BACH2: variants seen among roughly 807,000 people sequenced by gnomAD.
BACH2 encodes BACH transcriptional regulator 2, also known as transcription regulator protein BACH2.
In BACH2, 5 loss-of-function variants were observed where a neutral mutation model predicts 61.8. The observed-to-expected ratio is 0.08, with a 90% CI of 0.04 to 0.17. The LOEUF (loss-of-function observed/expected upper bound fraction) is 0.17. BACH2 is among the 10% of genes least tolerant of loss of function. BACH2 has a pLI of 1.00. For missense variants in BACH2, 824 were observed against 1,091.1 expected, an observed-to-expected ratio of 0.76 and a Z score of 3.45; for synonymous variants, 446 against 440.1, an observed-to-expected ratio of 1.01 and a Z score of -0.17.
chr6:90,190,105 G>A (rs1363976632), intron 4 of BACH2, among the ~76,000 whole-genome samples: 2 of 152,112 alleles, frequency 1.3e-5, no homozygotes, highest in Admixed American at 6.5e-5. Flanking sequence ...CACCACACTC[G>A]TCTAACTTTT....
chr6:90,084,490 T>C (rs748889978), intron 5 of BACH2, among the ~76,000 whole-genome samples: 13 of 151,936 alleles, frequency 8.6e-5, no homozygotes, highest in South Asian at 4.2e-4. Flanking sequence ...TCCTCTCCCT[T>C]AGACTTGCTG....
chr6:90,075,547 T>C (rs544378629), intron 5 of BACH2, among the ~76,000 whole-genome samples: 1 of 152,248 alleles, frequency 6.6e-6, no homozygotes, highest in Non-Finnish European at 1.5e-5. Flanking sequence ...CTGTTAACTA[T>C]GGCTACAAAA....
chr6:89,999,567 T>C (rs991678035), intron 6 of BACH2, among the ~76,000 whole-genome samples: 3 of 152,182 alleles, frequency 2.0e-5, no homozygotes, highest in Non-Finnish European at 4.4e-5. Context: ...TTTAATTAAG[T>C]ACCTTGGTAA....
chr6:89,978,141 T>C (rs746521422), intron 6 of BACH2, among the ~76,000 whole-genome samples: 3 of 152,200 alleles, frequency 2.0e-5, no homozygotes, highest in Non-Finnish European at 4.4e-5. Context: ...CTTTGACATA[T>C]GAAGTGCTGC....
intron 6 of BACH2, among the ~76,000 whole-genome samples, chr6:89,978,956 G>A (rs902118608): frequency 1.1e-4 from 16 of 152,134 alleles, no homozygotes; most frequent in African/African-American, 3.6e-4. Flanking sequence ...CGAGGGGGTT[G>A]GTGGAGAAAG....
rs372689995 is a variant in BACH2 at position 90,261,108 on chromosome 6, C to T, written c.-352-8518G>A. On this transcript the variant is annotated intron_variant, in intron 2 of 8. Transcript: ENST00000257749. ...AGATCTAAGCACTTATTTTCATGGA[C>T]ACTACACCCCTCAAACTTCCAACTT... 7.9e-5 allele frequency among the ~76,000 whole-genome samples: 12 copies of T among 152,282 alleles called. No individual in the cohort carries two copies. In the East Asian group the frequency reaches 1.4e-3, roughly 17 times the overall value.
Position 90,201,087 on chromosome 6 carries a change from G to A in BACH2, c.-162+5482C>T, listed in dbSNP as rs542608166. On this transcript the variant is annotated intron_variant, in intron 4 of 8. Coordinates refer to ENST00000257749, the MANE Select transcript of BACH2 (RefSeq NM_021813.4). Reference sequence around the variant, plus strand: ...ACTCAGTATTCCTCAATCCCTCCTTGGCATTTTTATTATATGGCTGTACTA... The same window carrying A: ...ACTCAGTATTCCTCAATCCCTCCTTAGCATTTTTATTATATGGCTGTACTA... Among the ~76,000 whole-genome samples the A allele has an allele frequency of 3.3e-5, 5 of 151,942 alleles. No homozygotes were observed. The South Asian group carries it at 1.0e-3, about 32-fold the overall frequency.
chr6:90,184,972 T>C (rs1768302036), intron 4 of BACH2, among the ~76,000 whole-genome samples: 2 of 152,218 alleles, frequency 1.3e-5, no homozygotes. Context: ...GAGTGAGTTC[T>C]TTAGAGACTG....
chr6:90,212,926 C>A (rs965193992), intron 3 of BACH2, among the ~76,000 whole-genome samples: 7 of 152,174 alleles, frequency 4.6e-5, no homozygotes, highest in African/African-American at 1.7e-4. Context: ...CTAGGGGGTT[C>A]TTGCACTTGG....
intron 4 of BACH2, among the ~76,000 whole-genome samples, chr6:90,101,564 C>T (rs1582360131): frequency 6.6e-6 from 1 of 152,306 alleles, no homozygotes; most frequent in Non-Finnish European, 1.5e-5. Context: ...GTATTCAAGA[C>T]TACACTATCT....
In BACH2 at chr6:90,008,349, TG is replaced by T; in HGVS notation, c.243+252del. Reference sequence around the variant, plus strand: ...AACCACTCAAAACCTGAAGGGTAAGTGAACTAGAAACTACAAGTGACTGAGC... The same window carrying T: ...AACCACTCAAAACCTGAAGGGTAAGTAACTAGAAACTACAAGTGACTGAGC... On this transcript the variant is annotated intron_variant, in intron 6 of 8. Coordinates refer to ENST00000257749, the MANE Select transcript of BACH2 (RefSeq NM_021813.4). This position sits in a 1 kb window ranked among gnomAD's most constrained non-coding sequence, Gnocchi z 4.1. 1.8e-6 allele frequency: 1 copy of T among 544,842 alleles called. No homozygotes were observed. The highest frequency in any genetic ancestry group is 3.3e-6 in the Non-Finnish European group (1 of 304,838). The allele number at this position is 544,842 out of a possible 1,614,324, so 33.8% of individuals were successfully genotyped here.
In BACH2 at chr6:89,932,362, C is replaced by T. The variant is rs754468247; in HGVS notation, c.*46G>A. ...ACAGTGCCACAGGCTGACTGAAGAA[C>T]GCCTGGATGGGAGAGGTGTGCGGAC... On this transcript the variant is annotated 3_prime_UTR_variant, in exon 9 of 9. Coordinates refer to ENST00000257749, the MANE Select transcript of BACH2 (RefSeq NM_021813.4). The T allele has an allele frequency of 1.7e-5, 27 of 1,582,468 alleles. No homozygotes were observed. In the East Asian group the frequency reaches 2.7e-4, roughly 16 times the overall value.
intron 4 of BACH2, among the ~76,000 whole-genome samples, chr6:90,192,922 G>A (rs1357300302): frequency 1.1e-4 from 17 of 152,216 alleles, no homozygotes; most frequent in Admixed American, 1.1e-3. Flanking sequence ...TCTCTGGACA[G>A]GTGTGCTCAG....
intron 5 of BACH2, among the ~76,000 whole-genome samples, chr6:90,019,177 T>C (rs765662467): frequency 1.3e-5 from 2 of 152,216 alleles, no homozygotes; most frequent in Non-Finnish European, 2.9e-5. Flanking sequence ...CATTTAATGT[T>C]CTAGGTCACG....
intron 3 of BACH2, among the ~76,000 whole-genome samples, chr6:90,238,032 GTT>G (rs1429360163): frequency 6.6e-6 from 1 of 152,116 alleles, no homozygotes; most frequent in Admixed American, 6.5e-5. Flanking sequence ...GATTAATCTC[GTT>G]TTAGAAATTA....
intron 4 of BACH2, among the ~76,000 whole-genome samples, chr6:90,130,575 T>C (rs959381000): frequency 1.3e-5 from 2 of 152,238 alleles, no homozygotes; most frequent in Non-Finnish European, 2.9e-5. Flanking sequence ...GTTATCATGC[T>C]AACAGAATAG....
intron 2 of BACH2, among the ~76,000 whole-genome samples, chr6:90,255,652 T>C (rs1770953125): frequency 6.6e-6 from 1 of 152,232 alleles, no homozygotes; most frequent in South Asian, 2.1e-4. Context: ...GCAAAAAATG[T>C]AATGAGCATT....
At chr6:90,213,906 C>T (rs1366607723) in intron 3 of BACH2, among the ~76,000 whole-genome samples, 5 of 152,228 alleles carry the variant, frequency 3.3e-5, no homozygotes, top group South Asian at 2.1e-4. Context: ...ATCTACTTCT[C>T]GCTTGGTCAG....
chr6:90,042,433 G>A (rs73497152), intron 5 of BACH2, among the ~76,000 whole-genome samples: 14,718 of 151,328 alleles, frequency 0.097, 2,272 homozygotes, highest in African/African-American at 0.34. Flanking sequence ...CTGAACTCCT[G>A]GGCTCATCCA....
Sources: allele counts gnomAD v4.1 joint callset (sites outside exome capture counted in the v4.1 genomes callset), GRCh38; gene constraint gnomAD v4.1.1; non-coding constraint Gnocchi (gnomAD v3.1); transcripts MANE v1.5; gene names NCBI Gene and HGNC (gene_info 2026-07-23, HGNC 2026-07-21).